The following ZNF695 variants were observed in gnomAD, a reference collection of about 807,000 sequenced individuals.
ZNF695 encodes the protein zinc finger protein SBZF3.
ZNF695 carries 11 observed loss-of-function variants against 11.2 expected under a neutral mutation model. The ratio of observed to expected loss-of-function variants is 0.98; its 90% CI spans 0.62 to 1.62. The LOEUF is 1.62. Among genes scored for constraint, ZNF695 ranks in the 40% most tolerant of loss-of-function variants. The pLI is 0.00. For missense variants in ZNF695, 559 were observed against 590.5 expected, an observed-to-expected ratio of 0.95 and a Z score of 0.55; for synonymous variants, 190 against 201.4, an observed-to-expected ratio of 0.94 and a Z score of 0.48.
chr1:246,990,221 C>T, intron 3 of ZNF695, among the ~76,000 whole-genome samples: 1 of 151,708 alleles, frequency 6.6e-6, no homozygotes, highest in East Asian at 1.9e-4. Flanking sequence ...AAGAAAGACA[C>T]TTTACCTATA....
intron 5 of ZNF695, among the ~76,000 whole-genome samples, chr1:246,956,570 T>G (rs1169223965): frequency 6.6e-6 from 1 of 152,006 alleles, no homozygotes; most frequent in African/African-American, 2.4e-5. Context: ...GAGCCGAGAT[T>G]GTGCCGCTGC....
intron 5 of ZNF695, among the ~76,000 whole-genome samples, chr1:246,963,928 A>C (rs1232628329): frequency 1.3e-5 from 2 of 152,238 alleles, no homozygotes; most frequent in African/African-American, 4.8e-5. Context: ...CAGGCTGTAC[A>C]CTGGAGTTCC....
chr1:246,965,954 A>G (rs895919661), intron 5 of ZNF695, among the ~76,000 whole-genome samples: 9 of 150,536 alleles, frequency 6.0e-5, no homozygotes, highest in African/African-American at 2.2e-4. Context: ...TATATATTTT[A>G]TATATATATC....
At chr1:246,990,641 A>G (rs1035426214) in intron 3 of ZNF695, among the ~76,000 whole-genome samples, 2 of 152,242 alleles carry the variant, frequency 1.3e-5, no homozygotes, top group African/African-American at 4.8e-5. Context: ...AGAACGTTTC[A>G]TGCAACAGCT....
In ZNF695 at chr1:246,987,820, C is replaced by T. The variant is rs1436251343; in HGVS notation, c.695G>A (p.Arg232Lys). 2.5e-6 allele frequency: 4 copies of T among 1,611,470 alleles called. No homozygotes were observed. Among genetic ancestry groups the T allele is most frequent in the Non-Finnish European group, 3.4e-6 (4 of 1,179,298 alleles). ...GCAATGTTTCTCTCCAACATGAATT[C>T]TCTTACAGTCAGTAAAGCATGAGCA... ...NECSCFTDCK[R>K]IHVGEKHCKC... The change falls in exon 4 of 4, where the codon AGA (arginine) becomes AAA (lysine). Residue 232 changes from arginine to lysine, a missense_variant. Physicochemically the swap from Arg to Lys is conservative, Grantham distance 26. Coordinates refer to ENST00000339986, the MANE Select transcript of ZNF695 (RefSeq NM_020394.5).
At position 246,985,616 on chromosome 1, in the gene ZNF695, A is replaced by G. The variant is rs972754054; in HGVS notation, c.*1351T>C. 3 of 946,960 alleles carry G rather than the reference A, an allele frequency of 3.2e-6. No homozygotes were observed. In the African/African-American group the frequency reaches 5.3e-5, roughly 17 times the overall value. 58.7% of individuals were successfully genotyped at this position (946,960 alleles called of 1,614,324 possible). A position where few individuals can be genotyped will look rare whatever the true frequency, so the allele number is the denominator to read the frequency against. ...TCCAAAGACATTAAAACAATGTCTT[A>G]TTAAAACAAATTAAGTTCAAACAGT... On this transcript the variant is annotated 3_prime_UTR_variant, in exon 4 of 4. Coordinates refer to ENST00000339986, the MANE Select transcript of ZNF695 (RefSeq NM_020394.5).
intron 1 of ZNF695, among the ~76,000 whole-genome samples, chr1:247,005,486 G>A (rs1669504339): frequency 6.6e-6 from 1 of 152,074 alleles, no homozygotes; most frequent in Non-Finnish European, 1.5e-5. Context: ...GAGGCCAGGA[G>A]TTCGAGACCA....
intron 4 of ZNF695, among the ~76,000 whole-genome samples, chr1:246,978,166 A>T (rs1668616421): frequency 6.6e-6 from 1 of 152,186 alleles, no homozygotes; most frequent in Non-Finnish European, 1.5e-5. Flanking sequence ...ATGAGTTCTG[A>T]CAAAAAGGCT....
chr1:246,981,900 G>A (rs1668719218), downstream of ZNF695, among the ~76,000 whole-genome samples: 1 of 152,140 alleles, frequency 6.6e-6, no homozygotes, highest in African/African-American at 2.4e-5. Flanking sequence ...TGAAGACTAT[G>A]GACTGCCAAC....
rs904955575 is a variant in ZNF695, at chr1:246,988,139, T to C, written c.376A>G (p.Asn126Asp). ...CACTCACCCACAATTTCCCAGTCAT[T>C]CCTTAAGCGTAATTTCTCAAGACAA... The part of the protein sequence containing the change: ...RCCLEKLRLR[N>D]DWEIVGEWKG... Residue 126 changes from asparagine to aspartate, a missense_variant, in exon 4 of 4, where the codon AAT becomes GAT. Physicochemically the swap from Asn to Asp is conservative, Grantham distance 23. Coordinates refer to ENST00000339986, the MANE Select transcript of ZNF695 (RefSeq NM_020394.5). 6.8e-6 allele frequency: 11 copies of C among 1,613,710 alleles called. No individual in the cohort carries two copies. Among genetic ancestry groups the C allele is most frequent in the Non-Finnish European group, 8.5e-6 (10 of 1,179,836 alleles).
chr1:246,954,335 C>A lies in ZNF695; in HGVS notation c.489-8508G>T, dbSNP rs571785463. ...GTTGAAAGCCAAGGACAGGAACAGG[C>A]AATGCCTGCCAGCTGTTCCAGGGGA... On this transcript the variant is annotated intron_variant, in intron 5 of 5. Transcript: ENST00000487338. Among the ~76,000 whole-genome samples the A allele has an allele frequency of 7.2e-5, 11 of 152,322 alleles. 1 individual carries two copies. In the East Asian group the frequency reaches 1.5e-3, roughly 21 times the overall value.
Position 246,987,849 on chromosome 1 carries a change from A to T in ZNF695, c.666T>A (p.Asn222Lys). 6.2e-7 allele frequency: 1 copy of T among 1,610,066 alleles called. No homozygotes were observed. The highest frequency in any genetic ancestry group is 1.1e-5 in the South Asian group (1 of 89,964). Residue 222 changes from asparagine to lysine, a missense_variant, in exon 4 of 4, where the codon AAT becomes AAA. Asn to Lys is a moderately conservative substitution (Grantham distance 94, BLOSUM62 0). Coordinates refer to ENST00000339986, the MANE Select transcript of ZNF695 (RefSeq NM_020394.5). ...TACAGTCAGTAAAGCATGAGCACTC[A>T]TTAAAGGCTTTGCCACATTTTTTAC... ...YQCKKCGKAF[N>K]ECSCFTDCKR...
rs551572012 is a variant in ZNF695 at position 246,985,773 on chromosome 1, T to C, written c.*1194A>G. ...AATAGTACTCTGAAGACCTATCTCA[T>C]GAATCACTTACAACCCTATTATAAG... is the stretch of plus-strand genomic sequence containing the variant. On this transcript the variant is annotated 3_prime_UTR_variant, in exon 4 of 4. Coordinates refer to ENST00000339986, the MANE Select transcript of ZNF695 (RefSeq NM_020394.5). 12 of 985,428 alleles carry C rather than the reference T, an allele frequency of 1.2e-5. No homozygotes were observed. Among genetic ancestry groups the C allele is most frequent in the Non-Finnish European group, 1.4e-5 (12 of 829,922 alleles). 61.0% of individuals were successfully genotyped at this position (985,428 alleles called of 1,614,324 possible). A position where few individuals can be genotyped will look rare whatever the true frequency, so the allele number is the denominator to read the frequency against.
chr1:246,972,113 A>G (rs946305921), intron 4 of ZNF695, among the ~76,000 whole-genome samples: 1 of 152,360 alleles, frequency 6.6e-6, no homozygotes, highest in South Asian at 2.1e-4. Flanking sequence ...AGAGAAGCGC[A>G]ACCATGCAGG....
intron 3 of ZNF695, among the ~76,000 whole-genome samples, chr1:246,990,488 T>G (rs1668999606): frequency 1.3e-5 from 2 of 152,176 alleles, no homozygotes; most frequent in Admixed American, 6.5e-5. Flanking sequence ...TATTAGAACT[T>G]TAAAGAGAGG....
intron 1 of ZNF695, among the ~76,000 whole-genome samples, chr1:247,004,682 C>T (rs1572538320): frequency 2.0e-5 from 3 of 152,112 alleles, no homozygotes; most frequent in South Asian, 4.1e-4. Flanking sequence ...CTTGAAAAAA[C>T]CTAAAGACTC....
intron 4 of ZNF695, among the ~76,000 whole-genome samples, chr1:246,976,584 G>T (rs1668566396): frequency 6.6e-6 from 1 of 151,794 alleles, no homozygotes; most frequent in South Asian, 2.1e-4. Context: ...CACGAGGTGA[G>T]GAGATCGAGA....
Position 246,987,068 on chromosome 1 carries a change from T to C in ZNF695, c.1447A>G (p.Lys483Glu). The C allele has an allele frequency of 1.2e-6, 2 of 1,614,116 alleles. No individual in the cohort carries two copies. Among genetic ancestry groups the C allele is most frequent in the Non-Finnish European group, 1.7e-6 (2 of 1,180,002 alleles). ...GGTTTCTCTCTGGTATGAATTGTCTTATGTTTAGAAAGGTGTGAGCTCTGG... is the reference window on the plus strand; with the variant it reads ...GGTTTCTCTCTGGTATGAATTGTCTCATGTTTAGAAAGGTGTGAGCTCTGG... ...FGQSSHLSKH[K>E]TIHTREKPYK... The change falls in exon 4 of 4, where the codon AAG becomes GAG. Residue 483 changes from lysine (K) to glutamate (E), a missense_variant. Physicochemically the swap from Lys to Glu is moderately conservative, Grantham distance 56. Transcript: ENST00000339986.
intron 5 of ZNF695, chr1:246,966,991 T>G: frequency 2.5e-6 from 1 of 394,450 alleles, no homozygotes. Flanking sequence ...CAGGCTGGAG[T>G]GCAATGGCGC....
Sources: allele counts gnomAD v4.1 joint callset (sites outside exome capture counted in the v4.1 genomes callset), GRCh38; gene constraint gnomAD v4.1.1; transcripts MANE v1.5; gene names NCBI Gene and HGNC (gene_info 2026-07-23, HGNC 2026-07-21).